VRTN: variants seen among roughly 807,000 people sequenced by gnomAD.
The protein encoded by VRTN is vertebrae development associated.
A neutral mutation model predicts 18.2 loss-of-function variants in VRTN; 5 were observed. The ratio of observed to expected loss-of-function variants is 0.27; its 90% CI spans 0.14 to 0.58. The LOEUF (loss-of-function observed/expected upper bound fraction) is 0.58, where lower values mean the gene tolerates loss of function less well. Among genes scored for constraint, VRTN ranks in the 20% least tolerant of loss-of-function variants. VRTN has a pLI of 0.91. For synonymous variants in VRTN, 381 were observed against 393.7 expected, an observed-to-expected ratio of 0.97 and a Z score of 0.38; for missense variants, 741 against 939.4, an observed-to-expected ratio of 0.79 and a Z score of 2.76.
intron 1 of VRTN, among the ~76,000 whole-genome samples, chr14:74,351,709 G>A (rs912602237): frequency 2.0e-5 from 3 of 151,620 alleles, no homozygotes; most frequent in Non-Finnish European, 4.4e-5. Context: ...CTAACTCCTA[G>A]GGCTCAAGCT....
rs1240898788 is a variant in VRTN, at chr14:74,359,086, G to A, written c.*194G>A. ...CCAGAAATCAGCCATCTGGTCTCCC[G>A]TAGGAAACTGTGGGACCAGAGATAT... On this transcript the variant is annotated 3_prime_UTR_variant, in exon 2 of 2. Transcript: ENST00000256362. The A allele has an allele frequency of 2.3e-5, 25 of 1,068,422 alleles. No individual in the cohort carries two copies. Among genetic ancestry groups the A allele is most frequent in the South Asian group, 6.2e-5 (2 of 32,500 alleles). 66.2% of individuals were successfully genotyped at this position (1,068,422 alleles called of 1,614,324 possible).
Position 74,357,677 on chromosome 14 carries a change from C to A in VRTN, c.894C>A (p.Arg298=), listed in dbSNP as rs1420161283. 1 of 1,613,538 alleles carries A rather than the reference C, an allele frequency of 6.2e-7. No homozygotes were observed. Among genetic ancestry groups the A allele is most frequent in the African/African-American group, 1.3e-5 (1 of 74,952 alleles). The part of the protein sequence containing the change: ...RYSVTKSTFY[R]WRRQSQEHRQ... ...GCGTCACCAAAAGCACCTTCTACCG[C>A]TGGCGGCGGCAGTCCCAGGAGCACC... Residue 298 remains arginine (R), a synonymous_variant, in exon 2 of 2, where the codon CGC becomes CGA. Coordinates refer to ENST00000256362, the MANE Select transcript of VRTN (RefSeq NM_018228.3). This position sits in a 1 kb window ranked among gnomAD's most constrained non-coding sequence, Gnocchi z 7.8.
intron 2 of VRTN, among the ~76,000 whole-genome samples, chr14:74,338,560 GT>G (rs778383987): frequency 1.3e-5 from 2 of 152,076 alleles, no homozygotes; most frequent in East Asian, 3.8e-4. Context: ...ATTGTAATTT[GT>G]TTTTTGTTTT....
intron 2 of VRTN, among the ~76,000 whole-genome samples, chr14:74,342,465 A>C (rs376446205): frequency 1.3e-4 from 20 of 152,294 alleles, no homozygotes; most frequent in African/African-American, 4.8e-4. Flanking sequence ...TCGTGTATAT[A>C]TGTATATGCG....
At chr14:74,315,463 C>T (rs2085414411) in intron 1 of VRTN, among the ~76,000 whole-genome samples, 1 of 152,156 alleles carries the variant, frequency 6.6e-6, no homozygotes, top group South Asian at 2.1e-4. Flanking sequence ...CTTTGGGATG[C>T]CGAGGCGGGA....
chr14:74,351,495 GTTTTTTTT>G (rs59810913), intron 1 of VRTN, among the ~76,000 whole-genome samples: 1 of 89,692 alleles, frequency 1.1e-5, no homozygotes, highest in Admixed American at 1.3e-4. Context: ...TGATTACCAG[GTTTTTTTT>G]TTTTTTTTTT....
intron 1 of VRTN, among the ~76,000 whole-genome samples, chr14:74,318,562 C>T (rs1373454269): frequency 2.0e-5 from 3 of 150,686 alleles, no homozygotes; most frequent in Admixed American, 6.6e-5. Context: ...TGAGCCACCA[C>T]GCAAGGCCCC....
intron 1 of VRTN, among the ~76,000 whole-genome samples, chr14:74,331,701 C>G (rs2085526935): frequency 6.7e-6 from 1 of 148,982 alleles, no homozygotes; most frequent in African/African-American, 2.5e-5. Flanking sequence ...ATTTTAGTGC[C>G]TGCAGAATAC....
intron 2 of VRTN, among the ~76,000 whole-genome samples, chr14:74,342,943 G>A (rs969556901): frequency 6.6e-6 from 1 of 151,992 alleles, no homozygotes; most frequent in African/African-American, 2.4e-5. Context: ...TATGAAAAAT[G>A]CTCTTTCATC....
chr14:74,341,361 CT>C (rs1163415490), intron 2 of VRTN, among the ~76,000 whole-genome samples: 1 of 152,182 alleles, frequency 6.6e-6, no homozygotes, highest in Non-Finnish European at 1.5e-5. Flanking sequence ...AAAATTTAGA[CT>C]TTTTACCACC....
In VRTN at chr14:74,357,809, C is replaced by T. The variant is rs1328104053; in HGVS notation, c.1026C>T (p.Ile342=). 1.2e-6 allele frequency: 2 copies of T among 1,613,280 alleles called. No individual in the cohort carries two copies. Among genetic ancestry groups the T allele is most frequent in the Non-Finnish European group, 1.7e-6 (2 of 1,180,034 alleles). Residue 342 remains isoleucine (I), a synonymous_variant, in exon 2 of 2, where the codon ATC becomes ATT. Transcript: ENST00000256362. This position sits in a 1 kb window ranked among gnomAD's most constrained non-coding sequence, Gnocchi z 7.8. ...AGTTCCTCCAGCGGTTCCCGGAGAT[C>T]TCCCGCTCAACCTACTATGCCTGGA... ...LQQFLQRFPE[I]SRSTYYAWKH... is the part of the protein sequence containing the mutation.
chr14:74,335,819 C>T (rs1244332798), intron 1 of VRTN, among the ~76,000 whole-genome samples: 1 of 150,630 alleles, frequency 6.6e-6, no homozygotes, highest in Non-Finnish European at 1.5e-5. Context: ...CGGCTGACTG[C>T]AACCTCCGCC....
At chr14:74,305,468 G>A (rs892721840) in intron 1 of VRTN, 9 of 202,060 alleles carry the variant, frequency 4.5e-5, no homozygotes, top group Non-Finnish European at 7.7e-5. Context: ...TTCTGGCAGC[G>A]GTTCTGACAG....
chr14:74,329,741 G>A (rs976323381), intron 1 of VRTN, among the ~76,000 whole-genome samples: 1 of 151,884 alleles, frequency 6.6e-6, no homozygotes, highest in Non-Finnish European at 1.5e-5. Context: ...ACCATGCCCA[G>A]CTAATTTTTG....
chr14:74,335,367 G>A (rs1245081488), intron 1 of VRTN, among the ~76,000 whole-genome samples: 2 of 152,180 alleles, frequency 1.3e-5, no homozygotes, highest in Non-Finnish European at 2.9e-5. Context: ...CACAGAAAAA[G>A]CAATTCAGTG....
At chr14:74,348,330 G>A (rs553903103), upstream of VRTN, 1 of 152,356 alleles carries the variant, frequency 6.6e-6, no homozygotes, top group Admixed American at 6.5e-5. Context: ...ACCCCCAGCT[G>A]GGGAGAGTGG....
At chr14:74,305,545 G>T in intron 1 of VRTN, 1 of 196,620 alleles carries the variant, frequency 5.1e-6, no homozygotes. Flanking sequence ...AGAAGCAAAA[G>T]ACTGGTGAAA....
At chr14:74,349,411 G>A (rs570831000) in intron 1 of VRTN, among the ~76,000 whole-genome samples, 1 of 152,220 alleles carries the variant, frequency 6.6e-6, no homozygotes. Context: ...CGCAAGGCTG[G>A]GTGAGGAGCC....
intron 1 of VRTN, among the ~76,000 whole-genome samples, chr14:74,311,328 A>T (rs1410528664): frequency 6.6e-6 from 1 of 152,206 alleles, no homozygotes; most frequent in African/African-American, 2.4e-5. Context: ...ATATATATGC[A>T]AACTTATATG....
Sources: allele counts gnomAD v4.1 joint callset (sites outside exome capture counted in the v4.1 genomes callset), GRCh38; gene constraint gnomAD v4.1.1; non-coding constraint Gnocchi (gnomAD v3.1); transcripts MANE v1.5; gene names NCBI Gene and HGNC (gene_info 2026-07-23, HGNC 2026-07-21).